Variants in SMOC2 observed in about 807,000 individuals in gnomAD.
SMOC2 encodes SPARC related modular calcium binding 2, also known as SPARC-related modular calcium-binding protein 2.
SMOC2 carries 39 observed loss-of-function variants against 61.4 expected under a neutral mutation model. That is an observed-to-expected ratio of 0.64 (90% CI 0.49 to 0.83). SMOC2 has a LOEUF of 0.83. Ranked by LOEUF, SMOC2 falls within the 40% of genes least tolerant of loss-of-function variation. The pLI is 0.00. For missense variants in SMOC2, 556 were observed against 592.9 expected (o/e 0.94, Z 0.65); for synonymous variants, 247 against 239.9 (o/e 1.03, Z -0.27).
At chr6:168,507,629 G>A (rs193248285) in intron 1 of SMOC2, among the ~76,000 whole-genome samples, 117 of 152,358 alleles carry the variant, frequency 7.7e-4, no homozygotes, top group African/African-American at 2.5e-3. Flanking sequence ...CAGTCAATGC[G>A]TGTTGGTGAC....
chr6:168,612,621 C>T (rs966971176), intron 9 of SMOC2, among the ~76,000 whole-genome samples: 7 of 152,220 alleles, frequency 4.6e-5, no homozygotes, highest in Non-Finnish European at 8.8e-5. Flanking sequence ...GCACTGGGTT[C>T]GTGATCTCCA....
intron 2 of SMOC2, among the ~76,000 whole-genome samples, chr6:168,524,017 G>A (rs1783398053): frequency 6.6e-6 from 1 of 152,038 alleles, no homozygotes; most frequent in Admixed American, 6.6e-5. Context: ...TTATAAAGAG[G>A]GGCATTTAAT....
intron 2 of SMOC2, among the ~76,000 whole-genome samples, chr6:168,514,287 CTGAA>C (rs1030027100): frequency 1.3e-5 from 2 of 152,290 alleles, no homozygotes; most frequent in Non-Finnish European, 1.5e-5. Flanking sequence ...GTTCCACACA[CTGAA>C]TGAGTGTCTC....
Position 168,599,770 on chromosome 6 carries a change from AC to A in SMOC2, c.824+773del, listed in dbSNP as rs1175043197. 5.0e-3 allele frequency among the ~76,000 whole-genome samples: 128 copies of A among 25,718 alleles called. 1 individual carries two copies. The highest frequency in any genetic ancestry group is 0.015 in the African/African-American group (96 of 6,304). 16.9% of individuals were successfully genotyped at this position (25,718 alleles called of 152,430 possible). On this transcript the variant is annotated intron_variant, in intron 8 of 12. Coordinates refer to ENST00000356284, the MANE Select transcript of SMOC2 (RefSeq NM_001166412.2). ...CCCACACTCATACAATCCCCCAAAC[AC>A]CCCCCCACACACAAACATACCCACA... is the stretch of plus-strand genomic sequence containing the variant.
At chr6:168,631,957 C>T (rs953692177) in intron 9 of SMOC2, among the ~76,000 whole-genome samples, 17 of 152,214 alleles carry the variant, frequency 1.1e-4, no homozygotes, top group African/African-American at 1.7e-4. Context: ...CAGGGCTGCT[C>T]AACCAGGGAT....
chr6:168,509,960 T>C lies in SMOC2; in HGVS notation c.130T>C (p.Cys44Arg). The change falls in exon 2 of 13, where the codon TGT becomes CGT. Residue 44 changes from cysteine (C) to arginine (R), a missense_variant. Transcript: ENST00000356284. ...TAAAGACAAGGATTGTAGCTTGGAC[T>C]GTGCGGGTTCGCCCCAGAAACCTCT... is the stretch of plus-strand genomic sequence containing the variant. Reference protein sequence around the residue: ...QDKDKDCSLDCAGSPQKPLCA... With the variant: ...QDKDKDCSLDRAGSPQKPLCA... 1 of 1,614,090 alleles carries C rather than the reference T, an allele frequency of 6.2e-7. No individual in the cohort carries two copies. The highest frequency in any genetic ancestry group is 8.5e-7 in the Non-Finnish European group (1 of 1,179,920).
intron 9 of SMOC2, among the ~76,000 whole-genome samples, chr6:168,646,078 A>G (rs1272566701): frequency 6.6e-6 from 1 of 152,208 alleles, no homozygotes; most frequent in Admixed American, 6.5e-5. Flanking sequence ...GGAACTAAAC[A>G]TGAAACTAAG....
chr6:168,543,308 C>T (rs1180861821), intron 4 of SMOC2, among the ~76,000 whole-genome samples: 3 of 152,186 alleles, frequency 2.0e-5, no homozygotes, highest in Non-Finnish European at 2.9e-5. Flanking sequence ...AGTACCCCAA[C>T]ATGGGTATGT....
chr6:168,540,027 A>G (rs1267233859), intron 4 of SMOC2, among the ~76,000 whole-genome samples: 2 of 152,250 alleles, frequency 1.3e-5, no homozygotes, highest in East Asian at 1.9e-4. Context: ...TGTGAAGGAC[A>G]TAGCAGGGAT....
chr6:168,549,202 A>T lies in SMOC2; in HGVS notation c.636A>T (p.Ser212=). 1 of 1,613,780 alleles carries T rather than the reference A, an allele frequency of 6.2e-7. No individual in the cohort carries two copies. The highest frequency in any genetic ancestry group is 8.5e-7 in the Non-Finnish European group (1 of 1,179,636). The change falls in exon 7 of 13, where the codon TCA becomes TCT. Residue 212 remains serine, a splice_region_variant and synonymous_variant. Transcript: ENST00000356284. ...GGCAGAACAAAACCAATAAGAATTC[A>T]GGTAAGATGCTGCCTGATGTCACTT... The part of the protein sequence containing the change: ...KSRQNKTNKN[S]VSSCDQEHQS...
intron 1 of SMOC2, among the ~76,000 whole-genome samples, chr6:168,464,987 G>T (rs1213313771): frequency 6.6e-6 from 1 of 152,224 alleles, no homozygotes; most frequent in South Asian, 2.1e-4. Context: ...TCCACAGACT[G>T]CAGGGCAGCC....
chr6:168,666,036 G>T (rs867190301), intron 12 of SMOC2, among the ~76,000 whole-genome samples: 1 of 151,640 alleles, frequency 6.6e-6, no homozygotes, highest in Non-Finnish European at 1.5e-5. Context: ...GAACAAAAAA[G>T]ATAAAAAGGA....
In SMOC2 at chr6:168,493,137, G is replaced by A. The variant is rs59753748; in HGVS notation, c.85-16778G>A. Among the ~76,000 whole-genome samples, 1,388 of 152,046 alleles carry A rather than the reference G, an allele frequency of 9.1e-3. 21 individuals are homozygous for A. Among genetic ancestry groups the A allele is most frequent in the African/African-American group, 0.032 (1,326 of 41,466 alleles). On this transcript the variant is annotated intron_variant, in intron 1 of 12. Coordinates refer to ENST00000356284, the MANE Select transcript of SMOC2 (RefSeq NM_001166412.2). ...CTGCATCCTCTGCCTCCTGGGTTCA[G>A]GCAATTCTCCTGTCTTAGTATCCTG...
chr6:168,602,520 G>A (rs1469337661), intron 8 of SMOC2, among the ~76,000 whole-genome samples: 2 of 152,130 alleles, frequency 1.3e-5, no homozygotes, highest in Non-Finnish European at 2.9e-5. Context: ...ATCACTGAAC[G>A]CCCAGACCCA....
intron 10 of SMOC2, among the ~76,000 whole-genome samples, chr6:168,651,126 C>T (rs1226401298): frequency 1.3e-5 from 2 of 152,146 alleles, no homozygotes; most frequent in African/African-American, 4.8e-5. Context: ...TTAGAGTCAT[C>T]GATTGGATTG....
chr6:168,540,273 G>A (rs1045689901), intron 4 of SMOC2, among the ~76,000 whole-genome samples: 1 of 152,226 alleles, frequency 6.6e-6, no homozygotes, highest in African/African-American at 2.4e-5. Flanking sequence ...AGGCCATTTG[G>A]TGCCCTCCTA....
intron 9 of SMOC2, among the ~76,000 whole-genome samples, chr6:168,619,119 GAGTTATT>G (rs1786180536): frequency 6.6e-6 from 1 of 152,140 alleles, no homozygotes; most frequent in Non-Finnish European, 1.5e-5. Context: ...GCACATTGTT[GAGTTATT>G]TTAGAAGCAA....
chr6:168,632,178 G>C (rs932244971), intron 9 of SMOC2, among the ~76,000 whole-genome samples: 1 of 152,138 alleles, frequency 6.6e-6, no homozygotes, highest in Non-Finnish European at 1.5e-5. Context: ...ATTAATGGTT[G>C]GTTGAGTTGG....
intron 1 of SMOC2, among the ~76,000 whole-genome samples, chr6:168,474,284 C>T (rs899758481): frequency 2.0e-5 from 3 of 152,074 alleles, no homozygotes; most frequent in South Asian, 2.1e-4. Context: ...GGGGGAGGGA[C>T]GATAAGGGCT....
Sources: gnomAD v4.1 joint callset for allele counts (sites outside exome capture counted in the v4.1 genomes callset) on GRCh38, gnomAD v4.1.1 for gene constraint, MANE v1.5 for transcripts, NCBI Gene and HGNC (gene_info 2026-07-23, HGNC 2026-07-21) for gene names.